Variants in GPC4 observed in about 807,000 individuals in gnomAD.
GPC4 encodes glypican-4.
A neutral mutation model predicts 35.0 loss-of-function variants in GPC4; 10 were observed. The ratio of observed to expected loss-of-function variants is 0.29; its 90% CI spans 0.18 to 0.48. The LOEUF (loss-of-function observed/expected upper bound fraction) is 0.48, where lower values mean the gene tolerates loss of function less well. Ranked by LOEUF, GPC4 falls within the 20% of genes least tolerant of loss-of-function variation. GPC4 has a pLI of 0.99. For missense variants in GPC4, 322 were observed against 451.3 expected, an observed-to-expected ratio of 0.71 and a Z score of 2.60; for synonymous variants, 167 against 170.2, an observed-to-expected ratio of 0.98 and a Z score of 0.15.
chrX:133,310,181 C>G (rs1473106522), intron 4 of GPC4, among the ~76,000 whole-genome samples: 4 of 111,277 alleles, frequency 3.6e-5, no homozygotes, highest in Non-Finnish European at 5.7e-5. Context: ...TCACCTCCCC[C>G]CAAAAAACCA....
chrX:133,394,634 T>C lies in GPC4; in HGVS notation c.160+20172A>G, dbSNP rs887318754. On this transcript the variant is annotated intron_variant, in intron 1 of 8. Coordinates refer to ENST00000370828, the MANE Select transcript of GPC4 (RefSeq NM_001448.3). ...TTTCCAGGTTTCTGGCCACTGGAGG[T>C]GGCTGTATTTATTATTGTCATCATG... Among the ~76,000 whole-genome samples the C allele has an allele frequency of 7.2e-5, 8 of 111,578 alleles. No homozygotes were observed. In the Admixed American group the frequency reaches 7.7e-4, roughly 11 times the overall value.
intron 2 of GPC4, among the ~76,000 whole-genome samples, chrX:133,336,964 G>A (rs893610030): frequency 9.1e-6 from 1 of 110,423 alleles, no homozygotes; most frequent in African/African-American, 3.3e-5. Context: ...GACCATAGGC[G>A]CACACCACCA....
intron 1 of GPC4, among the ~76,000 whole-genome samples, chrX:133,353,812 C>T (rs781414487): frequency 9.0e-6 from 1 of 111,249 alleles, no homozygotes; most frequent in Non-Finnish European, 1.9e-5. Context: ...GAGTCACCTA[C>T]AACTGATGCA....
chrX:133,399,536 T>G (rs1439545535), intron 1 of GPC4, among the ~76,000 whole-genome samples: 3 of 111,964 alleles, frequency 2.7e-5, no homozygotes, highest in African/African-American at 9.7e-5. Context: ...CTTTGGGACT[T>G]TCAGAACTCC....
chrX:133,311,122 G>C (rs1187319782), intron 4 of GPC4, 136 bp downstream of exon 4: 2 of 572,207 alleles, frequency 3.5e-6, no homozygotes, highest in African/African-American at 4.6e-5. Flanking sequence ...AAGTAGTTGA[G>C]CGTAGTCAGG....
chrX:133,341,744 C>T (rs983060707), intron 1 of GPC4, among the ~76,000 whole-genome samples: 7 of 111,067 alleles, frequency 6.3e-5, no homozygotes, highest in African/African-American at 2.0e-4. Context: ...TAAGAGACAG[C>T]AGGAAATAAT....
At chrX:133,317,175 C>T (rs751068027) in intron 3 of GPC4, among the ~76,000 whole-genome samples, 34 of 111,011 alleles carry the variant, frequency 3.1e-4, no homozygotes, top group Non-Finnish European at 5.7e-4. Context: ...AGAGGTCTTT[C>T]TTAATGATAA....
intron 1 of GPC4, among the ~76,000 whole-genome samples, chrX:133,354,638 G>A (rs1199441382): frequency 4.8e-5 from 5 of 104,877 alleles, no homozygotes; most frequent in African/African-American, 1.8e-4. Flanking sequence ...GCGCAATCTC[G>A]GCTCACTGCA....
In GPC4 at chrX:133,305,938, G is replaced by A. The variant is rs145645920; in HGVS notation, c.1009-20C>T. The A allele has an allele frequency of 1.1e-4, 133 of 1,208,653 alleles. No homozygotes were observed. The highest frequency in any genetic ancestry group is 1.3e-4 in the Non-Finnish European group (120 of 894,498). On this transcript the variant is annotated intron_variant, in intron 5 of 8. Coordinates refer to ENST00000370828, the MANE Select transcript of GPC4 (RefSeq NM_001448.3). ...GAAAACCTGCATTAGAGTAAGTGTC[G>A]TCATGTTAGGGAAGTCACTCCCAAG...
At chrX:133,345,840 T>C (rs1363337919) in intron 1 of GPC4, among the ~76,000 whole-genome samples, 1 of 112,072 alleles carries the variant, frequency 8.9e-6, no homozygotes, top group East Asian at 2.8e-4. Context: ...CTGCAAGTTG[T>C]CCAGGTTCTT....
intron 1 of GPC4, among the ~76,000 whole-genome samples, chrX:133,341,919 C>T (rs2068468781): frequency 9.1e-6 from 1 of 109,316 alleles, no homozygotes; most frequent in African/African-American, 3.3e-5. Context: ...ACATAAAAGG[C>T]CCAGAGTGGC....
At chrX:133,395,671 C>G (rs1027272591) in intron 1 of GPC4, among the ~76,000 whole-genome samples, 1 of 110,967 alleles carries the variant, frequency 9.0e-6, no homozygotes, top group Non-Finnish European at 1.9e-5. Context: ...GAGAATGGTA[C>G]GAATTTTTTT....
intron 1 of GPC4, among the ~76,000 whole-genome samples, chrX:133,356,651 G>A (rs1368707945): frequency 2.7e-5 from 3 of 111,216 alleles, no homozygotes; most frequent in East Asian, 2.8e-4. Flanking sequence ...ATGAGTGAAC[G>A]CTTCCTGAGG....
intron 1 of GPC4, among the ~76,000 whole-genome samples, chrX:133,367,719 T>C (rs763958587): frequency 2.7e-5 from 3 of 111,185 alleles, no homozygotes; most frequent in African/African-American, 9.8e-5. Flanking sequence ...AATTAAAAAA[T>C]TACCTGGGCA....
intron 1 of GPC4, among the ~76,000 whole-genome samples, chrX:133,405,485 T>C (rs1332905224): frequency 1.8e-5 from 2 of 112,268 alleles, no homozygotes; most frequent in Non-Finnish European, 3.8e-5. Context: ...TAATGAAATA[T>C]ACTAGTGCCC....
At chrX:133,313,184 G>A (rs990694120) in intron 3 of GPC4, among the ~76,000 whole-genome samples, 5 of 111,821 alleles carry the variant, frequency 4.5e-5, no homozygotes, top group Non-Finnish European at 7.5e-5. Context: ...TCACTTATCA[G>A]CAGTGCCCTT....
At position 133,302,540 on chromosome X, in the gene GPC4, A is replaced by T. The variant is rs1300949559; in HGVS notation, c.*327T>A. ...AGGCGAGATCACAGTTGGAAAAAAA[A>T]ACCCACAAACGAAATGAGAAAAAAA... On this transcript the variant is annotated 3_prime_UTR_variant, in exon 9 of 9. Transcript: ENST00000370828. 1.1e-5 allele frequency: 2 copies of T among 179,243 alleles called. No individual in the cohort carries two copies. The highest frequency in any genetic ancestry group is 2.1e-5 in the Non-Finnish European group (2 of 97,123). The allele number at this position is 179,243 out of a possible 1,213,427, so 14.8% of individuals were successfully genotyped here. A position where few individuals can be genotyped will look rare whatever the true frequency, so the allele number is the denominator to read the frequency against.
chrX:133,362,061 A>G (rs778089478), intron 1 of GPC4, among the ~76,000 whole-genome samples: 1 of 109,860 alleles, frequency 9.1e-6, no homozygotes, highest in East Asian at 2.9e-4. Context: ...ATAAAACTTA[A>G]AAATTAGCTG....
chrX:133,303,381 C>T (rs2068276471), intron 7 of GPC4, 40 bp from the exon 8 acceptor site: 6 of 1,123,145 alleles, frequency 5.3e-6, no homozygotes, highest in Non-Finnish European at 7.2e-6. Flanking sequence ...ATTCGTAAAG[C>T]GAAAAGATTT....
Sources: gnomAD v4.1 joint callset for allele counts (sites outside exome capture counted in the v4.1 genomes callset) on GRCh38, gnomAD v4.1.1 for gene constraint, MANE v1.5 for transcripts, NCBI Gene and HGNC (gene_info 2026-07-23, HGNC 2026-07-21) for gene names.